The following TAB2 variants were observed in gnomAD, a reference collection of about 807,000 sequenced individuals.
The protein encoded by TAB2 is TGF-beta-activated kinase 1 and MAP3K7-binding protein 2.
TAB2 carries 3 observed loss-of-function variants against 65.0 expected under a neutral mutation model. The observed-to-expected ratio is 0.05, with a 90% confidence interval of 0.02 to 0.12. TAB2 has a LOEUF of 0.12. TAB2 is among the 10% of genes least tolerant of loss of function. TAB2 has a pLI of 1.00. For synonymous variants in TAB2, 298 were observed against 285.1 expected, an observed-to-expected ratio of 1.05 and a Z score of -0.46; for missense variants, 623 against 840.3, an observed-to-expected ratio of 0.74 and a Z score of 3.20.
chr6:149,269,083 T>A (rs1185461302), intron 1 of TAB2, among the ~76,000 whole-genome samples: 1 of 152,214 alleles, frequency 6.6e-6, no homozygotes, highest in Admixed American at 6.5e-5. Flanking sequence ...GATATTGAGT[T>A]GAATTGATTA....
chr6:149,400,155 AC>A (rs1782322819), intron 6 of TAB2: 1 of 547,244 alleles, frequency 1.8e-6, no homozygotes, highest in African/African-American at 1.9e-5. Flanking sequence ...CTCACCACTC[AC>A]AAGGAGTTGT....
At chr6:149,258,046 A>G (rs1778076149) in intron 1 of TAB2, among the ~76,000 whole-genome samples, 1 of 152,174 alleles carries the variant, frequency 6.6e-6, no homozygotes, top group South Asian at 2.1e-4. Flanking sequence ...GAGATAGCAG[A>G]GGGAGAACTG....
At chr6:149,316,830 G>C (rs1035615230), upstream of TAB2, among the ~76,000 whole-genome samples, 1 of 152,180 alleles carries the variant, frequency 6.6e-6, no homozygotes, top group Non-Finnish European at 1.5e-5. Flanking sequence ...AGAAAAGTCA[G>C]AAGCCGACAC....
chr6:149,298,886 G>T (rs762948033), intron 1 of TAB2, among the ~76,000 whole-genome samples: 1 of 152,118 alleles, frequency 6.6e-6, no homozygotes, highest in African/African-American at 2.4e-5. Flanking sequence ...AAATTTTGAA[G>T]ATAATCTCAG....
At chr6:149,241,552 T>C (rs187991975) in intron 1 of TAB2, among the ~76,000 whole-genome samples, 12 of 152,354 alleles carry the variant, frequency 7.9e-5, no homozygotes, top group Non-Finnish European at 1.8e-4. Flanking sequence ...GCTTGCAAAT[T>C]GATTCCATTT....
At chr6:149,371,442 A>T (rs932098936) in intron 2 of TAB2, among the ~76,000 whole-genome samples, 3 of 152,178 alleles carry the variant, frequency 2.0e-5, no homozygotes. Flanking sequence ...CTTCCTGTTC[A>T]TACCCTATGT....
chr6:149,296,076 G>A (rs1325660938), intron 1 of TAB2, among the ~76,000 whole-genome samples: 1 of 152,180 alleles, frequency 6.6e-6, no homozygotes, highest in Non-Finnish European at 1.5e-5. Flanking sequence ...GCCATGCCTG[G>A]TTATCTTTGA....
intron 1 of TAB2, among the ~76,000 whole-genome samples, chr6:149,321,668 C>T (rs978032960): frequency 6.6e-6 from 1 of 152,146 alleles, no homozygotes. Context: ...TTTATTGACT[C>T]ATTTTACAGA....
At position 149,409,984 on chromosome 6, in the gene TAB2, C is replaced by T. The variant is rs902461528; in HGVS notation, c.*265C>T. ...AACTGTGTACAGTGTTACCAGTGTC[C>T]CATTATGGATAATTCTCAATATGTT... On this transcript the variant is annotated 3_prime_UTR_variant, in exon 7 of 7. Transcript: ENST00000637181. The T allele has an allele frequency of 1.2e-5, 6 of 517,962 alleles. No individual in the cohort carries two copies. The highest frequency in any genetic ancestry group is 2.1e-5 in the Non-Finnish European group (6 of 288,130). 32.1% of individuals were successfully genotyped at this position (517,962 alleles called of 1,614,324 possible).
chr6:149,226,452 C>T (rs1172440535), intron 1 of TAB2, among the ~76,000 whole-genome samples: 1 of 152,236 alleles, frequency 6.6e-6, no homozygotes, highest in Non-Finnish European at 1.5e-5. Flanking sequence ...CGTGGTCAGT[C>T]CCCACCTCCG....
intron 1 of TAB2, among the ~76,000 whole-genome samples, chr6:149,262,664 G>A (rs1032221350): frequency 3.3e-5 from 5 of 152,134 alleles, no homozygotes; most frequent in African/African-American, 1.2e-4. Flanking sequence ...AAAACAGCAG[G>A]ACTTCAAGAA....
chr6:149,403,958 A>G (rs992141663), intron 6 of TAB2, among the ~76,000 whole-genome samples: 5 of 152,166 alleles, frequency 3.3e-5, no homozygotes, highest in Non-Finnish European at 5.9e-5. Flanking sequence ...GGGGAGGACA[A>G]ACATCCAAAC....
At chr6:149,384,658 C>T (rs914736864) in intron 3 of TAB2, among the ~76,000 whole-genome samples, 5 of 152,162 alleles carry the variant, frequency 3.3e-5, no homozygotes, top group African/African-American at 9.7e-5. Flanking sequence ...ACATTTTCCC[C>T]TTAAGTCATA....
At chr6:149,298,175 G>A (rs1778910510) in intron 1 of TAB2, among the ~76,000 whole-genome samples, 1 of 152,042 alleles carries the variant, frequency 6.6e-6, no homozygotes, top group Non-Finnish European at 1.5e-5. Flanking sequence ...AGCTACAATA[G>A]CATTTTGTAG....
chr6:149,257,130 G>C (rs1400324876), intron 1 of TAB2, among the ~76,000 whole-genome samples: 1 of 152,216 alleles, frequency 6.6e-6, no homozygotes, highest in Non-Finnish European at 1.5e-5. Flanking sequence ...GCTTAGTGAA[G>C]ATTGAATCTT....
intron 2 of TAB2, among the ~76,000 whole-genome samples, chr6:149,370,931 C>T (rs1449135447): frequency 6.6e-6 from 1 of 151,480 alleles, no homozygotes; most frequent in Non-Finnish European, 1.5e-5. Flanking sequence ...CCAGGTGTGG[C>T]AGCCCACACC....
At chr6:149,256,994 A>AACATT (rs1778050599) in intron 1 of TAB2, among the ~76,000 whole-genome samples, 1 of 152,226 alleles carries the variant, frequency 6.6e-6, no homozygotes, top group African/African-American at 2.4e-5. Flanking sequence ...TCTGATCCCA[A>AACATT]ACATTTCACG....
intron 1 of TAB2, among the ~76,000 whole-genome samples, chr6:149,306,765 T>C (rs1779080067): frequency 6.6e-6 from 1 of 151,906 alleles, no homozygotes; most frequent in Non-Finnish European, 1.5e-5. Flanking sequence ...AAAGAAAACT[T>C]GCTGTGTGCT....
At chr6:149,248,428 A>AAAGGAAGGAAGG (rs377016044) in intron 1 of TAB2, among the ~76,000 whole-genome samples, 1,929 of 117,262 alleles carry the variant, frequency 0.016, 35 homozygotes, top group East Asian at 0.028. Context: ...AAAAAGAAAG[A>AAAGGAAGGAAGG]AAGGAAGGAA....
Sources: allele counts gnomAD v4.1 joint callset (sites outside exome capture counted in the v4.1 genomes callset), GRCh38; gene constraint gnomAD v4.1.1; transcripts MANE v1.5; gene names NCBI Gene and HGNC (gene_info 2026-07-23, HGNC 2026-07-21).